RAP1GAP2: variants seen among roughly 807,000 people sequenced by gnomAD.
RAP1GAP2 encodes rap1 GTPase-activating protein 2.
In RAP1GAP2, 27 loss-of-function variants were observed where a neutral mutation model predicts 95.0. That is an observed-to-expected ratio of 0.28 (90% CI 0.21 to 0.39). RAP1GAP2 has a LOEUF of 0.39. Among genes scored for constraint, RAP1GAP2 ranks in the 10% least tolerant of loss-of-function variants. RAP1GAP2 has a pLI of 1.00. For synonymous variants in RAP1GAP2, 373 were observed against 380.9 expected (o/e 0.98, Z 0.24); for missense variants, 771 against 970.0 (o/e 0.79, Z 2.72).
chr17:3,035,324 T>C lies in RAP1GAP2; in HGVS notation c.*1963T>C, dbSNP rs890737237. On this transcript the variant is annotated 3_prime_UTR_variant, in exon 25 of 25. Transcript: ENST00000254695. This position sits in a 1 kb window ranked among gnomAD's most constrained non-coding sequence, Gnocchi z 4.3. ...CATTTCTTTAAGAACAGTTGCAGGA[T>C]CTGGCTCGCCTCTGTGGGAAGCCGG... The C allele has an allele frequency of 1.3e-5, 2 of 152,322 alleles. No homozygotes were observed. The highest frequency in any genetic ancestry group is 4.8e-5 in the African/African-American group (2 of 41,438). 9.4% of individuals were successfully genotyped at this position (152,322 alleles called of 1,614,324 possible).
intron 11 of RAP1GAP2, among the ~76,000 whole-genome samples, chr17:2,988,455 G>A (rs979021962): frequency 6.6e-6 from 1 of 152,138 alleles, no homozygotes; most frequent in Non-Finnish European, 1.5e-5. Context: ...TTCAAAAATG[G>A]TATATAAATG....
At chr17:2,991,888 C>T (rs916216167) in intron 12 of RAP1GAP2, among the ~76,000 whole-genome samples, 11 of 152,118 alleles carry the variant, frequency 7.2e-5, no homozygotes, top group African/African-American at 2.2e-4. Context: ...CCTCGGCCTC[C>T]GGAGTAGCTG....
intron 1 of RAP1GAP2, among the ~76,000 whole-genome samples, chr17:2,782,548 C>A (rs1006296276): frequency 6.6e-6 from 1 of 152,142 alleles, no homozygotes; most frequent in African/African-American, 2.4e-5. Context: ...CTCTGGGGCT[C>A]CGGGCATCCA....
chr17:2,929,122 A>G (rs2043058700), intron 3 of RAP1GAP2, among the ~76,000 whole-genome samples: 1 of 152,184 alleles, frequency 6.6e-6, no homozygotes, highest in Admixed American at 6.5e-5. Context: ...AGTCCCAACT[A>G]CTTGGGAGGC....
At position 3,026,378 on chromosome 17, in the gene RAP1GAP2, C is replaced by A. The variant is rs766479387; in HGVS notation, c.1894C>A (p.Arg632Ser). Residue 632 changes from arginine to serine, a missense_variant, in exon 21 of 25, where the codon CGT becomes AGT. Coordinates refer to ENST00000254695, the MANE Select transcript of RAP1GAP2 (RefSeq NM_015085.5). ...CTTCATGAAGTTGAAGGAAAACGGC[C>A]GTGCCATCTCCCGCTCCTCCTCCAG... ...KPFMKLKENG[R>S]AISRSSSSTS... The A allele has an allele frequency of 6.4e-7, 1 of 1,552,112 alleles. No individual in the cohort carries two copies. The highest frequency in any genetic ancestry group is 1.2e-5 in the South Asian group (1 of 84,088).
Position 2,817,237 on chromosome 17 carries a change from G to A in RAP1GAP2, c.80+16687G>A, listed in dbSNP as rs2070062306. On this transcript the variant is annotated intron_variant, in intron 2 of 24. Transcript: ENST00000254695. ...TTGAACTCCTGACCTCAGGTGATCC[G>A]CCTGCCTCGGCCTCCTAAGGTGCTG... Among the ~76,000 whole-genome samples, 10 of 118,546 alleles carry A rather than the reference G, an allele frequency of 8.4e-5. 3 individuals carry two copies. In the South Asian group the frequency reaches 2.6e-3, roughly 31 times the overall value. 77.8% of individuals were successfully genotyped at this position (118,546 alleles called of 152,430 possible). A position where few individuals can be genotyped will look rare whatever the true frequency, so the allele number is the denominator to read the frequency against.
intron 3 of RAP1GAP2, among the ~76,000 whole-genome samples, chr17:2,938,391 C>T (rs971113776): frequency 1.3e-5 from 2 of 151,988 alleles, no homozygotes; most frequent in African/African-American, 4.8e-5. Flanking sequence ...CCTTGCTTTC[C>T]TCTCAAAGCT....
chr17:2,868,021 C>T (rs956962191), intron 2 of RAP1GAP2, among the ~76,000 whole-genome samples: 2 of 152,180 alleles, frequency 1.3e-5, no homozygotes, highest in Admixed American at 6.6e-5. Flanking sequence ...AGCCTGTGAC[C>T]GCGCTGGACC....
rs2042052346 is a variant in RAP1GAP2 at position 2,902,359 on chromosome 17, G to C, written c.81-2925G>C. ...AGCCTCCCAAGTAGCTCGGATGACA[G>C]GCACACGCCACCATGCCTGGCTAAT... is the stretch of plus-strand genomic sequence containing the variant. On this transcript the variant is annotated intron_variant, in intron 2 of 24. Transcript: ENST00000254695. The surrounding 1 kb of genome is among the most constrained non-coding windows in gnomAD (Gnocchi z 4.1). Among the ~76,000 whole-genome samples, 1 of 152,174 alleles carries C rather than the reference G, an allele frequency of 6.6e-6. No homozygotes were observed. Among genetic ancestry groups the C allele is most frequent in the African/African-American group, 2.4e-5 (1 of 41,434 alleles).
intron 7 of RAP1GAP2, 107 bp downstream of exon 7, chr17:2,964,175 G>A (rs1446313593): frequency 2.0e-6 from 2 of 1,019,192 alleles, no homozygotes; most frequent in Non-Finnish European, 2.8e-6. Context: ...GAGGGAGGCT[G>A]TGGGAGGCTG....
In RAP1GAP2 at chr17:3,020,593, A is replaced by T. The variant is rs764041393; in HGVS notation, c.1749A>T (p.Arg583=). 6.2e-7 allele frequency: 1 copy of T among 1,612,996 alleles called. No homozygotes were observed. Among genetic ancestry groups the T allele is most frequent in the African/African-American group, 1.3e-5 (1 of 74,906 alleles). The change falls in exon 19 of 25, where the codon CGA becomes CGT. Residue 583 remains arginine, a splice_region_variant and synonymous_variant. Coordinates refer to ENST00000254695, the MANE Select transcript of RAP1GAP2 (RefSeq NM_015085.5). The stretch of plus-strand genomic sequence containing the variant: ...AAGGCCAGGGCGACAGCCGGGCACG[A>T]TGGTAACTGTTGGGAAACCCCTACC... ...GSEGQGDSRA[R]CDSTSSTPKT...
At chr17:2,795,090 C>G (rs1052019925), upstream of RAP1GAP2, among the ~76,000 whole-genome samples, 2 of 151,862 alleles carry the variant, frequency 1.3e-5, no homozygotes, top group African/African-American at 4.8e-5. Context: ...GTTGGCCAGG[C>G]TGGTCTCGAA....
chr17:3,015,685 C>T lies in RAP1GAP2; in HGVS notation c.1495-2376C>T, dbSNP rs141320627. ...TACAAAAATTAGCCAGGCATGGTTG[C>T]GGGCGCCTGTAGTCCCAGCTACTCG... On this transcript the variant is annotated intron_variant, in intron 17 of 24. Transcript: ENST00000254695. Among the ~76,000 whole-genome samples the T allele has an allele frequency of 4.6e-5, 7 of 152,204 alleles. 1 individual carries two copies. In the Middle Eastern group the frequency reaches 0.014, roughly 296 times the overall value.
intron 2 of RAP1GAP2, among the ~76,000 whole-genome samples, chr17:2,854,842 C>T (rs1338101674): frequency 6.6e-6 from 1 of 152,164 alleles, no homozygotes; most frequent in Non-Finnish European, 1.5e-5. Context: ...CAAAGCCTCC[C>T]TGTTCTGCTA....
intron 3 of RAP1GAP2, among the ~76,000 whole-genome samples, chr17:2,912,116 A>T (rs1341580558): frequency 6.6e-6 from 1 of 152,180 alleles, no homozygotes; most frequent in African/African-American, 2.4e-5. Context: ...ACGGCCAGGG[A>T]ATGCCCCCAC....
intron 4 of RAP1GAP2, chr17:2,962,212 T>G: frequency 5.7e-6 from 1 of 174,794 alleles, no homozygotes. Context: ...AGACAGCTAT[T>G]TAAGCTTTGA....
At chr17:2,782,442 C>T (rs993479575) in intron 1 of RAP1GAP2, among the ~76,000 whole-genome samples, 4 of 152,164 alleles carry the variant, frequency 2.6e-5, no homozygotes, top group Admixed American at 6.5e-5. Context: ...CCCTCAGTGG[C>T]TTGGGCACCA....
intron 4 of RAP1GAP2, chr17:2,962,384 A>G (rs2044372674): frequency 2.3e-6 from 1 of 432,530 alleles, no homozygotes; most frequent in South Asian, 2.9e-5. Flanking sequence ...AGTCACAGAG[A>G]GGTTTCTGTG....
intron 1 of RAP1GAP2, among the ~76,000 whole-genome samples, chr17:2,758,027 G>A (rs1427798433): frequency 4.0e-5 from 6 of 151,722 alleles, no homozygotes; most frequent in Non-Finnish European, 7.4e-5. Flanking sequence ...CCGCCACCAC[G>A]CCAGGCTAAT....
Sources: allele counts gnomAD v4.1 joint callset (sites outside exome capture counted in the v4.1 genomes callset), GRCh38; gene constraint gnomAD v4.1.1; non-coding constraint Gnocchi (gnomAD v3.1); transcripts MANE v1.5; gene names NCBI Gene and HGNC (gene_info 2026-07-23, HGNC 2026-07-21).